GPR18: variants seen among roughly 807,000 people sequenced by gnomAD.
The protein encoded by GPR18 is G protein-coupled receptor 18.
In GPR18, 20 loss-of-function variants were observed where a neutral mutation model predicts 22.8. The observed-to-expected ratio is 0.88, with a 90% confidence interval of 0.62 to 1.28. GPR18 has a LOEUF of 1.28. GPR18 is among the 50% of genes most tolerant of loss of function. The pLI is 0.00. For synonymous variants in GPR18, 160 were observed against 155.3 expected (o/e 1.03, Z -0.22); for missense variants, 379 against 412.0 (o/e 0.92, Z 0.69).
At chr13:99,256,819 A>G (rs1364657571) in intron 1 of GPR18, among the ~76,000 whole-genome samples, 2 of 152,148 alleles carry the variant, frequency 1.3e-5, no homozygotes, top group East Asian at 1.9e-4. Flanking sequence ...AACACCAACA[A>G]CAGACTTCAA....
rs1243572688 is a variant in GPR18 at position 99,255,166 on chromosome 13, GTGA to G, written c.704_706del (p.Ile235del). On this transcript the variant is annotated inframe_deletion, in exon 2 of 2. Transcript: ENST00000397470. ...GCAGACGAGCACCTGCACCAGCAGC[GTGA>G]TGATGATCCTTATGGACTTCTCCTT... The G allele has an allele frequency of 4.3e-6, 7 of 1,614,008 alleles. No homozygotes were observed. In the African/African-American group the frequency reaches 6.7e-5, roughly 15 times the overall value.
intron 1 of GPR18, chr13:99,256,233 T>C (rs2043554063): frequency 6.1e-6 from 1 of 164,654 alleles, no homozygotes; most frequent in African/African-American, 2.4e-5. Flanking sequence ...AAAACTCTAG[T>C]TTGTAATTCT....
chr13:99,255,569 CTG>C lies in GPR18; in HGVS notation c.302_303del (p.Thr101SerfsTer15), dbSNP rs749579391. The C allele has an allele frequency of 1.2e-5, 20 of 1,614,036 alleles. No individual in the cohort carries two copies. Among genetic ancestry groups the C allele is most frequent in the South Asian group, 4.4e-5 (4 of 91,088 alleles). On this transcript the variant is annotated frameshift_variant, in exon 2 of 2. Transcript: ENST00000397470. LOFTEE classifies it high-confidence loss of function. ...EYFCQILGAL[T>X]VFYPSIALWL... ...CATAAAGCAATGCTTGGGTAAAACA[CTG>C]TGAGAGCTCCAAGAATCTGGCAGAA...
At position 99,255,233 on chromosome 13, in the gene GPR18, G is replaced by C; in HGVS notation, c.640C>G (p.Leu214Val). The change falls in exon 2 of 2, where the codon CTC (leucine) becomes GTC (valine). Residue 214 changes from leucine (L) to valine (V), a missense_variant. By Grantham distance (32) the Leu-to-Val change is conservative (BLOSUM62 1). Coordinates refer to ENST00000397470, the MANE Select transcript of GPR18 (RefSeq NM_001098200.2). Reference protein sequence around the residue: ...IGCYLVIIHNLLHGRTSKLKP... With the variant: ...IGCYLVIIHNVLHGRTSKLKP... ...AGCTTAGACGTCCTGCCGTGAAGGA[G>C]ATTATGAATAATGACCAAGTAGCAC... The C allele has an allele frequency of 6.2e-7, 1 of 1,614,096 alleles. No homozygotes were observed. Among genetic ancestry groups the C allele is most frequent in the South Asian group, 1.1e-5 (1 of 91,080 alleles).
In GPR18 at chr13:99,255,147, G is replaced by A. The variant is rs764458382; in HGVS notation, c.726C>T (p.Leu242=). Residue 242 remains leucine (L), a synonymous_variant, in exon 2 of 2, where the codon CTC becomes CTT. Transcript: ENST00000397470. ...AGATGTGGAAGGGCATAAAGCAGAC[G>A]AGCACCTGCACCAGCAGCGTGATGA... ...RIIITLLVQV[L]VCFMPFHICF... 19 of 1,613,920 alleles carry A rather than the reference G, an allele frequency of 1.2e-5. No homozygotes were observed. In the Middle Eastern group the frequency reaches 4.9e-4, roughly 42 times the overall value.
chr13:99,254,989 G>T lies in GPR18; in HGVS notation c.884C>A (p.Ala295Asp), dbSNP rs763554698. 1 of 1,614,090 alleles carries T rather than the reference G, an allele frequency of 6.2e-7. No homozygotes were observed. Among genetic ancestry groups the T allele is most frequent in the African/African-American group, 1.3e-5 (1 of 75,000 alleles). Reference sequence around the variant, plus strand: ...GTATAGCATGACACTAATGACTCGAGCCTGAAATTGTTTTGAAACGATGTA... The same window carrying T: ...GTATAGCATGACACTAATGACTCGATCCTGAAATTGTTTTGAAACGATGTA... ...LYYIVSKQFQARVISVMLYRN... is the reference protein window; with the variant it reads ...LYYIVSKQFQDRVISVMLYRN... Residue 295 changes from alanine (A) to aspartate (D), a missense_variant, in exon 2 of 2, where the codon GCT becomes GAT. Ala to Asp is a moderately radical substitution (Grantham distance 126, BLOSUM62 -2). Coordinates refer to ENST00000397470, the MANE Select transcript of GPR18 (RefSeq NM_001098200.2).
At position 99,255,254 on chromosome 13, in the gene GPR18, A is replaced by G; in HGVS notation, c.619T>C (p.Tyr207His). The G allele has an allele frequency of 6.2e-7, 1 of 1,614,038 alleles. No homozygotes were observed. Among genetic ancestry groups the G allele is most frequent in the South Asian group, 1.1e-5 (1 of 91,088 alleles). The change falls in exon 2 of 2, where the codon TAC (tyrosine) becomes CAC (histidine). Residue 207 changes from tyrosine to histidine, a missense_variant. Transcript: ENST00000397470. ...LIPLFIMIGCYLVIIHNLLHG... is the reference protein window; with the variant it reads ...LIPLFIMIGCHLVIIHNLLHG... ...AGGAGATTATGAATAATGACCAAGT[A>G]GCACCCAATCATGATGAACAAAGGA...
chr13:99,255,974 C>G (rs1267825466), intron 1 of GPR18, 68 bp from the exon 2 acceptor site: 2 of 1,157,406 alleles, frequency 1.7e-6, no homozygotes, highest in Non-Finnish European at 2.4e-6. Flanking sequence ...AACATTCTCC[C>G]ACTCAGCTTG....
In GPR18 at chr13:99,255,295, G is replaced by A. The variant is rs746424593; in HGVS notation, c.578C>T (p.Thr193Ile). 3.4e-5 allele frequency: 55 copies of A among 1,613,952 alleles called. No homozygotes were observed. In the Middle Eastern group the frequency reaches 4.9e-4, roughly 14 times the overall value. ...GAACAAAGGAATCAAGAAAAAAAAT[G>A]TCAGTCGAGTGAGGTTCAGCACGTT... ...AVNVLNLTRL[T>I]FFFLIPLFIM... The change falls in exon 2 of 2, where the codon ACA (threonine) becomes ATA (isoleucine). Residue 193 changes from threonine (T) to isoleucine (I), a missense_variant. Thr to Ile is a moderately conservative substitution (Grantham distance 89). Coordinates refer to ENST00000397470, the MANE Select transcript of GPR18 (RefSeq NM_001098200.2).
chr13:99,257,042 G>C (rs1300455145), intron 1 of GPR18, among the ~76,000 whole-genome samples: 1 of 152,160 alleles, frequency 6.6e-6, no homozygotes, highest in Non-Finnish European at 1.5e-5. Context: ...TTGAGCAATT[G>C]CTGTGGTTAA....
rs773963673 is a variant in GPR18, at chr13:99,255,116, C to T, written c.757G>A (p.Ala253Thr). 1.3e-5 allele frequency: 21 copies of T among 1,613,946 alleles called. 1 individual carries two copies. In the South Asian group the frequency reaches 2.1e-4, roughly 16 times the overall value. Residue 253 changes from alanine (A) to threonine (T), a missense_variant, in exon 2 of 2, where the codon GCT (alanine) becomes ACT (threonine). Coordinates refer to ENST00000397470, the MANE Select transcript of GPR18 (RefSeq NM_001098200.2). ...TCCCCCGTTCCCAGCATCAGGAAAGCGAAACAGATGTGGAAGGGCATAAAG... is the reference window on the plus strand; with the variant it reads ...TCCCCCGTTCCCAGCATCAGGAAAGTGAAACAGATGTGGAAGGGCATAAAG... Reference protein sequence around the residue: ...VCFMPFHICFAFLMLGTGENS... With the variant: ...VCFMPFHICFTFLMLGTGENS...
chr13:99,256,172 T>C (rs1011160166), intron 1 of GPR18, among the ~76,000 whole-genome samples: 5 of 152,194 alleles, frequency 3.3e-5, no homozygotes, highest in African/African-American at 1.2e-4. Flanking sequence ...AATTGATGAA[T>C]AAATGAAGGA....
rs146455146 is a variant in GPR18 at position 99,254,819 on chromosome 13, C to T, written c.*58G>A. ...TAGTATTATACAGAATATCCATTGA[C>T]GCCAGAGTAGTTAGTGAAGTGAATT... On this transcript the variant is annotated 3_prime_UTR_variant, in exon 2 of 2. Transcript: ENST00000397470. The T allele has an allele frequency of 2.6e-4, 349 of 1,333,084 alleles. No homozygotes were observed. Among genetic ancestry groups the T allele is most frequent in the Admixed American group, 4.1e-4 (21 of 51,224 alleles). The allele number at this position is 1,333,084 out of a possible 1,614,324, so 82.6% of individuals were successfully genotyped here.
intron 1 of GPR18, among the ~76,000 whole-genome samples, chr13:99,257,716 ATTAAG>A (rs1272744283): frequency 3.3e-5 from 5 of 152,196 alleles, no homozygotes; most frequent in African/African-American, 9.6e-5. Flanking sequence ...CTTAAAAACC[ATTAAG>A]TTATTTCATG....
chr13:99,256,383 G>A (rs1409258844), intron 1 of GPR18: 1 of 152,230 alleles, frequency 6.6e-6, no homozygotes. Flanking sequence ...TTGTGTCATG[G>A]TCAGCAGATC....
At position 99,254,802 on chromosome 13, in the gene GPR18, T is replaced by C; in HGVS notation, c.*75A>G. On this transcript the variant is annotated 3_prime_UTR_variant, in exon 2 of 2. Transcript: ENST00000397470. ...AGAGAAAAGGGACTTGATAGTATTA[T>C]ACAGAATATCCATTGACGCCAGAGT... 8.9e-7 allele frequency: 1 copy of C among 1,125,952 alleles called. No homozygotes were observed. Among genetic ancestry groups the C allele is most frequent in the Non-Finnish European group, 1.3e-6 (1 of 773,968 alleles). 69.7% of individuals were successfully genotyped at this position (1,125,952 alleles called of 1,614,324 possible). A position where few individuals can be genotyped will look rare whatever the true frequency, so the allele number is the denominator to read the frequency against.
chr13:99,255,036 C>G lies in GPR18; in HGVS notation c.837G>C (p.Thr279=). 1 of 1,614,106 alleles carries G rather than the reference C, an allele frequency of 6.2e-7. No homozygotes were observed. Among genetic ancestry groups the G allele is most frequent in the Non-Finnish European group, 8.5e-7 (1 of 1,180,024 alleles). ...AFTTFLMNLS[T]CLDVILYYIV... ...TGTAGTAGAGAATCACATCCAGACA[C>G]GTGCTGAGGTTCATGAGGAAGGTGG... Residue 279 remains threonine (T), a synonymous_variant, in exon 2 of 2, where the codon ACG becomes ACC. Coordinates refer to ENST00000397470, the MANE Select transcript of GPR18 (RefSeq NM_001098200.2).
chr13:99,254,928 G>T lies in GPR18; in HGVS notation c.945C>A (p.Phe315Leu). Residue 315 changes from phenylalanine to leucine, a missense_variant, in exon 2 of 2, where the codon TTC becomes TTA. Phe to Leu is a conservative substitution (Grantham distance 22). Transcript: ENST00000397470. ...TTAGTGACCGTAGACTACCAGATCG[G>T]AAACTTTTTCTGCGCATGCTTCGAA... Reference protein sequence around the residue: ...NYLRSMRRKSFRSGSLRSLSN... With the variant: ...NYLRSMRRKSLRSGSLRSLSN... The T allele has an allele frequency of 6.2e-7, 1 of 1,614,074 alleles. No homozygotes were observed. Among genetic ancestry groups the T allele is most frequent in the South Asian group, 1.1e-5 (1 of 91,076 alleles).
intron 1 of GPR18, among the ~76,000 whole-genome samples, chr13:99,257,800 T>A (rs187114824): frequency 1.3e-5 from 2 of 152,342 alleles, no homozygotes; most frequent in East Asian, 3.8e-4. Flanking sequence ...AAACATTTTC[T>A]TTCCTTAAGT....
Sources: gnomAD v4.1 joint callset for allele counts (sites outside exome capture counted in the v4.1 genomes callset) on GRCh38, gnomAD v4.1.1 for gene constraint, MANE v1.5 for transcripts, NCBI Gene and HGNC (gene_info 2026-07-23, HGNC 2026-07-21) for gene names.